The following PKNOX1 variants were observed in gnomAD, a reference collection of about 807,000 sequenced individuals.
The protein encoded by PKNOX1 is homeobox protein PKNOX1.
In PKNOX1, 15 loss-of-function variants were observed where a neutral mutation model predicts 51.9. The ratio of observed to expected loss-of-function variants is 0.29; its 90% CI spans 0.19 to 0.45. The LOEUF (loss-of-function observed/expected upper bound fraction) is 0.45, where lower values mean the gene tolerates loss of function less well. Among genes scored for constraint, PKNOX1 ranks in the 20% least tolerant of loss-of-function variants. The pLI is 1.00. For missense variants in PKNOX1, 462 were observed against 547.5 expected (o/e 0.84, Z 1.56); for synonymous variants, 219 against 211.1 (o/e 1.04, Z -0.32).
chr21:42,997,096 G>A (rs1459354111), intron 1 of PKNOX1, among the ~76,000 whole-genome samples: 1 of 152,084 alleles, frequency 6.6e-6, no homozygotes, highest in Non-Finnish European at 1.5e-5. Context: ...GGTCAGGCTG[G>A]TTTCGAATTC....
rs71195904 is a variant in PKNOX1, at chr21:42,984,974, C to CTTTTT, written c.-57+10333_-57+10337dup. Among the ~76,000 whole-genome samples the CTTTTT allele has an allele frequency of 3.2e-3, 186 of 58,012 alleles. 1 individual carries two copies. The highest frequency in any genetic ancestry group is 5.8e-3 in the East Asian group (10 of 1,730). 38.1% of individuals were successfully genotyped at this position (58,012 alleles called of 152,430 possible). On this transcript the variant is annotated intron_variant, in intron 1 of 10. Transcript: ENST00000291547. ...GGGTTAGGGTTCCTCATTTTCTTTT[C>CTTTTT]TTTTTTTTTTTTTTTTTTTTTTTTT...
rs1013311965 is a variant in PKNOX1, at chr21:43,030,428, C to T, written c.*327C>T. The stretch of plus-strand genomic sequence containing the variant: ...GGAATAGCGCTGCCATTTTCTAAAC[C>T]GTGATGCGGTTGTCACTTAGTTCTG... On this transcript the variant is annotated 3_prime_UTR_variant, in exon 11 of 11. Coordinates refer to ENST00000291547, the MANE Select transcript of PKNOX1 (RefSeq NM_004571.5). The T allele has an allele frequency of 5.5e-6, 1 of 183,076 alleles. No homozygotes were observed. The highest frequency in any genetic ancestry group is 1.1e-5 in the Non-Finnish European group (1 of 88,006). 11.3% of individuals were successfully genotyped at this position (183,076 alleles called of 1,614,324 possible).
intron 4 of PKNOX1, among the ~76,000 whole-genome samples, chr21:43,011,653 C>T (rs1175093865): frequency 1.3e-5 from 2 of 152,180 alleles, no homozygotes; most frequent in African/African-American, 4.8e-5. Flanking sequence ...CACTGGATTC[C>T]CTTCGAGCCA....
At chr21:42,998,032 C>T (rs1978587447) in intron 1 of PKNOX1, among the ~76,000 whole-genome samples, 1 of 152,164 alleles carries the variant, frequency 6.6e-6, no homozygotes, top group African/African-American at 2.4e-5. Flanking sequence ...AGGTAGCTCA[C>T]ACCTTGTGTT....
chr21:42,982,233 A>C (rs1320601525), intron 1 of PKNOX1, among the ~76,000 whole-genome samples: 1 of 152,152 alleles, frequency 6.6e-6, no homozygotes, highest in Non-Finnish European at 1.5e-5. Flanking sequence ...ACACCTGCAC[A>C]AGGAAGGCCC....
intron 5 of PKNOX1, among the ~76,000 whole-genome samples, chr21:43,015,409 G>A (rs1979446781): frequency 6.6e-6 from 1 of 152,156 alleles, no homozygotes; most frequent in East Asian, 1.9e-4. Flanking sequence ...TATTGAACAA[G>A]CCTTCTATTC....
At chr21:42,982,799 G>A (rs1162381772) in intron 1 of PKNOX1, among the ~76,000 whole-genome samples, 3 of 150,986 alleles carry the variant, frequency 2.0e-5, no homozygotes, top group Non-Finnish European at 2.9e-5. Context: ...ATTTAGTTAC[G>A]TATTTGAGCA....
intron 1 of PKNOX1, among the ~76,000 whole-genome samples, chr21:42,976,684 T>A (rs1452411819): frequency 1.3e-5 from 2 of 152,236 alleles, no homozygotes; most frequent in African/African-American, 4.8e-5. Flanking sequence ...AAGAAGCAAC[T>A]GTTCATTATT....
Position 43,028,881 on chromosome 21 carries a change from G to C in PKNOX1, c.1099+7G>C. 2 of 1,614,106 alleles carry C rather than the reference G, an allele frequency of 1.2e-6. No individual in the cohort carries two copies. Among genetic ancestry groups the C allele is most frequent in the Non-Finnish European group, 8.5e-7 (1 of 1,179,964 alleles). On this transcript the variant is annotated splice_region_variant and intron_variant, in intron 10 of 10. Coordinates refer to ENST00000291547, the MANE Select transcript of PKNOX1 (RefSeq NM_004571.5). ...GAGCTCACCATGTCGGAAGGTACAG[G>C]TGGCCGGCCAAGGCCAGACATGGTG... is the stretch of plus-strand genomic sequence containing the variant.
intron 1 of PKNOX1, among the ~76,000 whole-genome samples, chr21:42,984,083 CGTGTGT>C (rs61381629): frequency 0.88 from 132,534 of 149,770 alleles, 58,710 homozygotes; most frequent in Non-Finnish European, 0.91. Context: ...CGTGTGTGTG[CGTGTGT>C]GTGTGTGTGT....
intron 1 of PKNOX1, among the ~76,000 whole-genome samples, chr21:42,991,482 T>C (rs547129117): frequency 1.3e-5 from 2 of 152,242 alleles, no homozygotes; most frequent in Admixed American, 6.5e-5. Context: ...GTCCCAGCAC[T>C]TTGGGAGATC....
chr21:42,975,222 A>G (rs1179541205), intron 1 of PKNOX1, among the ~76,000 whole-genome samples: 1 of 139,746 alleles, frequency 7.2e-6, no homozygotes, highest in Non-Finnish European at 1.5e-5. Context: ...GCGGCGGCGC[A>G]GGCGGGAAGA....
intron 1 of PKNOX1, among the ~76,000 whole-genome samples, chr21:42,984,869 G>A (rs1041794990): frequency 1.4e-5 from 2 of 147,684 alleles, no homozygotes; most frequent in Non-Finnish European, 3.0e-5. Context: ...GAGTGCAGGT[G>A]CCAGTTCCAC....
intron 9 of PKNOX1, among the ~76,000 whole-genome samples, chr21:43,025,404 T>C (rs906002639): frequency 3.9e-5 from 6 of 152,174 alleles, no homozygotes; most frequent in African/African-American, 1.4e-4. Flanking sequence ...AGGCCAAGAG[T>C]GAGAGGTCCT....
At chr21:43,014,053 G>C (rs234695) in intron 5 of PKNOX1, among the ~76,000 whole-genome samples, 5 of 135,292 alleles carry the variant, frequency 3.7e-5, no homozygotes, top group African/African-American at 8.6e-5. Context: ...ACAGAGTCTC[G>C]CTCCATCACC....
At chr21:43,004,534 T>C in intron 2 of PKNOX1, 102 bp downstream of exon 2, 1 of 813,740 alleles carries the variant, frequency 1.2e-6, no homozygotes, top group South Asian at 1.4e-5. Flanking sequence ...TGAGGTTGCA[T>C]GCTCAGTGTT....
chr21:43,011,066 CTTTTTTTTT>C (rs11347992), intron 4 of PKNOX1, among the ~76,000 whole-genome samples: 1 of 80,746 alleles, frequency 1.2e-5, no homozygotes, highest in Non-Finnish European at 2.5e-5. Flanking sequence ...ACAGCTCTGT[CTTTTTTTTT>C]TTTTTTTTTT....
In PKNOX1 at chr21:42,987,382, CAAAAAAA is replaced by C. The variant is rs1181890321; in HGVS notation, c.-57+12735_-57+12741del. ...GGGCAACAAGAGCTAAACTCCCTCT[CAAAAAAA>C]AAAAAAAAAAAAAAAATATATATAT... On this transcript the variant is annotated intron_variant, in intron 1 of 10. Transcript: ENST00000291547. Among the ~76,000 whole-genome samples the C allele has an allele frequency of 7.9e-3, 380 of 47,890 alleles. 10 individuals carry two copies. Among genetic ancestry groups the C allele is most frequent in the African/African-American group, 0.024 (232 of 9,736 alleles). 31.4% of individuals were successfully genotyped at this position (47,890 alleles called of 152,430 possible).
intron 9 of PKNOX1, among the ~76,000 whole-genome samples, chr21:43,027,340 C>T (rs1404476905): frequency 1.3e-5 from 2 of 152,122 alleles, no homozygotes; most frequent in Non-Finnish European, 2.9e-5. Context: ...TTTTTCTTTC[C>T]GTTTCTTTCC....
Sources: gnomAD v4.1 joint callset for allele counts (sites outside exome capture counted in the v4.1 genomes callset) on GRCh38, gnomAD v4.1.1 for gene constraint, MANE v1.5 for transcripts, NCBI Gene and HGNC (gene_info 2026-07-23, HGNC 2026-07-21) for gene names.